CSNK1G1: variants seen among roughly 807,000 people sequenced by gnomAD.
CSNK1G1 encodes casein kinase I isoform gamma-1.
In CSNK1G1, 22 loss-of-function variants were observed where a neutral mutation model predicts 59.6. The observed-to-expected ratio is 0.37, with a 90% CI of 0.26 to 0.53. CSNK1G1 has a LOEUF of 0.53. Among genes scored for constraint, CSNK1G1 ranks in the 20% least tolerant of loss-of-function variants. The pLI is 0.89. For missense variants in CSNK1G1, 384 were observed against 519.5 expected, an observed-to-expected ratio of 0.74 and a Z score of 2.54; for synonymous variants, 179 against 177.1, an observed-to-expected ratio of 1.01 and a Z score of -0.08.
In CSNK1G1 at chr15:64,168,128, A is replaced by G. The variant is rs1034674280; in HGVS notation, c.*3803T>C. On this transcript the variant is annotated 3_prime_UTR_variant, in exon 12 of 12. Transcript: ENST00000303052. ...TACTTGGAGTTCATTTAGAAAAAAG[A>G]GACAATCAACATGTCTAGAAACCTC... The G allele has an allele frequency of 6.6e-6, 1 of 152,668 alleles. No homozygotes were observed. Among genetic ancestry groups the G allele is most frequent in the Non-Finnish European group, 1.5e-5 (1 of 68,044 alleles). 9.5% of individuals were successfully genotyped at this position (152,668 alleles called of 1,614,324 possible). A position where few individuals can be genotyped will look rare whatever the true frequency, so the allele number is the denominator to read the frequency against.
chr15:64,174,769 A>G (rs1161099147), intron 11 of CSNK1G1, among the ~76,000 whole-genome samples: 1 of 151,774 alleles, frequency 6.6e-6, no homozygotes, highest in African/African-American at 2.4e-5. Flanking sequence ...TTCCCTTGCT[A>G]TGTTCCTTTT....
At chr15:64,326,251 C>T (rs908570477) in intron 1 of CSNK1G1, among the ~76,000 whole-genome samples, 1 of 152,180 alleles carries the variant, frequency 6.6e-6, no homozygotes, top group Non-Finnish European at 1.5e-5. Context: ...GTCTCGAACT[C>T]TTGGCCTCAA....
intron 2 of CSNK1G1, among the ~76,000 whole-genome samples, chr15:64,296,086 A>T (rs1336661104): frequency 1.3e-5 from 2 of 152,154 alleles, no homozygotes; most frequent in East Asian, 3.8e-4. Flanking sequence ...TGAAGCCTTT[A>T]TTAACCTTCT....
chr15:64,215,304 C>G (rs2082297492), intron 5 of CSNK1G1, among the ~76,000 whole-genome samples: 2 of 146,342 alleles, frequency 1.4e-5, no homozygotes, highest in Non-Finnish European at 3.0e-5. Context: ...GCTCCACCTC[C>G]TGGGTTCACG....
chr15:64,204,317 ACGATC>A (rs1422581936), intron 9 of CSNK1G1, 119 bp downstream of exon 9: 1 of 821,874 alleles, frequency 1.2e-6, no homozygotes, highest in African/African-American at 1.7e-5. Flanking sequence ...TATACAGTCT[ACGATC>A]AAAGGAATAT....
At chr15:64,181,092 C>G in intron 10 of CSNK1G1, 1 of 1,365,312 alleles carries the variant, frequency 7.3e-7, no homozygotes, top group Non-Finnish European at 9.6e-7. Flanking sequence ...GCTTTGAGCA[C>G]TGGTTCGAAG....
At chr15:64,269,033 A>C (rs896129221) in intron 2 of CSNK1G1, among the ~76,000 whole-genome samples, 17 of 152,144 alleles carry the variant, frequency 1.1e-4, no homozygotes, top group Admixed American at 9.8e-4. Context: ...GATTTTACCC[A>C]CTACCATTGT....
rs375012093 is a variant in CSNK1G1, at chr15:64,245,773, C to CA, written c.292+5738dup. 3.0e-3 allele frequency among the ~76,000 whole-genome samples: 448 copies of CA among 151,056 alleles called. 5 individuals carry two copies. The highest frequency in any genetic ancestry group is 0.01 in the African/African-American group (427 of 41,278). ...AGGAAAAAAAAAAAAGACACACACA[C>CA]AAAAAAAGAATGAAATTCTGTCATT... On this transcript the variant is annotated intron_variant, in intron 4 of 11. Transcript: ENST00000303052.
intron 2 of CSNK1G1, among the ~76,000 whole-genome samples, chr15:64,286,411 A>G (rs773038906): frequency 3.3e-5 from 5 of 152,090 alleles, no homozygotes; most frequent in Non-Finnish European, 5.9e-5. Context: ...TATTGTTAAC[A>G]TGTTAACTTC....
At chr15:64,193,335 C>CA (rs890665807) in intron 10 of CSNK1G1, among the ~76,000 whole-genome samples, 1 of 150,932 alleles carries the variant, frequency 6.6e-6, no homozygotes, top group African/African-American at 2.4e-5. Context: ...ACTAAAAATA[C>CA]AAAAAAAATT....
intron 11 of CSNK1G1, among the ~76,000 whole-genome samples, chr15:64,178,825 C>T (rs2081773235): frequency 6.6e-6 from 1 of 151,910 alleles, no homozygotes; most frequent in Admixed American, 6.6e-5. Flanking sequence ...ACCTATCACC[C>T]AGATTGGAGT....
At chr15:64,246,700 G>T (rs527772062) in intron 4 of CSNK1G1, among the ~76,000 whole-genome samples, 2 of 150,608 alleles carry the variant, frequency 1.3e-5, no homozygotes, top group Non-Finnish European at 2.9e-5. Context: ...CTTTATAAGA[G>T]AGCCAAATCA....
At position 64,207,587 on chromosome 15, in the gene CSNK1G1, G is replaced by A; in HGVS notation, c.687C>T (p.Ser229=). 1.2e-6 allele frequency: 2 copies of A among 1,613,274 alleles called. No individual in the cohort carries two copies. The highest frequency in any genetic ancestry group is 1.7e-6 in the Non-Finnish European group (2 of 1,179,306). ...SINTHLGKEQ[S]RRDDLEALGH... is the part of the protein sequence containing the mutation. ...CTAGGGCTTCCAAATCATCTCTCCG[G>A]CTTTGCTCTAAAAGGGAAGACAGAT... The change falls in exon 7 of 12, where the codon AGC becomes AGT. Residue 229 remains serine (S), a synonymous_variant. Coordinates refer to ENST00000303052, the MANE Select transcript of CSNK1G1 (RefSeq NM_022048.5).
Position 64,170,451 on chromosome 15 carries a change from A to G in CSNK1G1, c.*1480T>C, listed in dbSNP as rs185641960. Reference sequence around the variant, plus strand: ...TTTCCCTCCTTTTAAATGCGGCCCCATATACTGCATCCTAAGCCTACTGCT... The same window carrying G: ...TTTCCCTCCTTTTAAATGCGGCCCCGTATACTGCATCCTAAGCCTACTGCT... On this transcript the variant is annotated 3_prime_UTR_variant, in exon 12 of 12. Coordinates refer to ENST00000303052, the MANE Select transcript of CSNK1G1 (RefSeq NM_022048.5). 6.5e-6 allele frequency: 1 copy of G among 152,774 alleles called. No homozygotes were observed. Among genetic ancestry groups the G allele is most frequent in the Admixed American group, 6.5e-5 (1 of 15,298 alleles). 9.5% of individuals were successfully genotyped at this position (152,774 alleles called of 1,614,324 possible). A position where few individuals can be genotyped will look rare whatever the true frequency, so the allele number is the denominator to read the frequency against.
At chr15:64,181,627 C>T (rs868496438) in intron 10 of CSNK1G1, 4 of 515,872 alleles carry the variant, frequency 7.8e-6, no homozygotes, top group Non-Finnish European at 1.3e-5. Context: ...CCTAATCAGC[C>T]CTAAGTTTGA....
At chr15:64,199,481 T>G (rs539520493) in intron 10 of CSNK1G1, among the ~76,000 whole-genome samples, 1 of 152,268 alleles carries the variant, frequency 6.6e-6, no homozygotes, top group East Asian at 1.9e-4. Flanking sequence ...TCTCTTTTCC[T>G]CATACTTTAA....
At chr15:64,294,102 T>C (rs1421220267) in intron 2 of CSNK1G1, among the ~76,000 whole-genome samples, 1 of 152,204 alleles carries the variant, frequency 6.6e-6, no homozygotes, top group Non-Finnish European at 1.5e-5. Flanking sequence ...AGACGGAGTC[T>C]CACTCTGTCT....
intron 2 of CSNK1G1, among the ~76,000 whole-genome samples, chr15:64,287,408 A>T (rs1894488464): frequency 6.6e-6 from 1 of 152,104 alleles, no homozygotes; most frequent in Non-Finnish European, 1.5e-5. Context: ...TTTTCATATT[A>T]ATTTTTGCTA....
intron 10 of CSNK1G1, among the ~76,000 whole-genome samples, chr15:64,194,571 G>A (rs1380312765): frequency 7.0e-6 from 1 of 142,524 alleles, no homozygotes; most frequent in Non-Finnish European, 1.5e-5. Context: ...AGGCTGGAGT[G>A]CAGTGGTGCG....
Sources: allele counts gnomAD v4.1 joint callset (sites outside exome capture counted in the v4.1 genomes callset), GRCh38; gene constraint gnomAD v4.1.1; transcripts MANE v1.5; gene names NCBI Gene and HGNC (gene_info 2026-07-23, HGNC 2026-07-21).